The following SEC24D variants were observed in gnomAD, a reference collection of about 807,000 sequenced individuals.
SEC24D encodes the protein protein transport protein Sec24D.
SEC24D carries 69 observed loss-of-function variants against 116.9 expected under a neutral mutation model. That is an observed-to-expected ratio of 0.59 (90% CI 0.49 to 0.72). SEC24D has a LOEUF of 0.72. Ranked by LOEUF, SEC24D falls within the 30% of genes least tolerant of loss-of-function variation. The pLI is 0.00. For missense variants in SEC24D, 1,131 were observed against 1,264.1 expected, an observed-to-expected ratio of 0.89 and a Z score of 1.60; for synonymous variants, 405 against 442.8, an observed-to-expected ratio of 0.91 and a Z score of 1.07.
chr4:118,726,105 A>G (rs1228585405), intron 22 of SEC24D, among the ~76,000 whole-genome samples: 1 of 152,196 alleles, frequency 6.6e-6, no homozygotes, highest in East Asian at 1.9e-4. Context: ...TCACCTTACC[A>G]GAGGTCTTAA....
intron 22 of SEC24D, among the ~76,000 whole-genome samples, chr4:118,727,238 T>G (rs1018876028): frequency 6.6e-6 from 1 of 152,210 alleles, no homozygotes; most frequent in Non-Finnish European, 1.5e-5. Context: ...ATGGATACAT[T>G]TGCAGATAGT....
At position 118,744,967 on chromosome 4, in the gene SEC24D, GT is replaced by G. The variant is rs776872291; in HGVS notation, c.1800del (p.Lys600AsnfsTer33). The G allele has an allele frequency of 1.2e-6, 2 of 1,606,764 alleles. No individual in the cohort carries two copies. Among genetic ancestry groups the G allele is most frequent in the Non-Finnish European group, 1.7e-6 (2 of 1,174,920 alleles). ...PGKLKNRDDK[K>X]LVNTDKEKIL... is the part of the protein sequence containing the mutation. ...ACCTTCTCTTTGTCTGTATTAACCA[GT>G]TTTTTGTCATCTCTGTTTTTGAGCT... is the stretch of plus-strand genomic sequence containing the variant. On this transcript the variant is annotated frameshift_variant, in exon 14 of 23. Coordinates refer to ENST00000280551, the MANE Select transcript of SEC24D (RefSeq NM_014822.4). LOFTEE classifies it high-confidence loss of function.
At position 118,806,186 on chromosome 4, in the gene SEC24D, A is replaced by G. The variant is rs6817440; in HGVS notation, c.802-232T>C. Among the ~76,000 whole-genome samples, 22,646 of 152,130 alleles carry G rather than the reference A, an allele frequency of 0.15. 1,780 individuals carry two copies. The highest frequency in any genetic ancestry group is 0.17 in the Non-Finnish European group (11,342 of 67,998). Reference sequence around the variant, plus strand: ...AAAAACCTACCATGTCTTCAGTTAAAATGGTTACAATTTTAGAATAGTAGT... The same window carrying G: ...AAAAACCTACCATGTCTTCAGTTAAGATGGTTACAATTTTAGAATAGTAGT... On this transcript the variant is annotated intron_variant, in intron 6 of 22. Transcript: ENST00000280551.
intron 8 of SEC24D, among the ~76,000 whole-genome samples, chr4:118,769,504 C>G (rs773997900): frequency 6.6e-6 from 1 of 151,960 alleles, no homozygotes; most frequent in Non-Finnish European, 1.5e-5. Flanking sequence ...TGCTTTTGAA[C>G]GGAGGCCTGA....
chr4:118,795,991 G>A (rs1729163753), intron 8 of SEC24D, among the ~76,000 whole-genome samples: 1 of 152,178 alleles, frequency 6.6e-6, no homozygotes, highest in Non-Finnish European at 1.5e-5. Context: ...GCATTCTGGA[G>A]TATTTAGTAT....
At chr4:118,752,966 G>T in intron 11 of SEC24D, 78 bp from the exon 12 acceptor site, 1 of 1,042,228 alleles carries the variant, frequency 9.6e-7, no homozygotes, top group Non-Finnish European at 1.4e-6. Context: ...AATTCAGTAA[G>T]TGTGTCTTCT....
At chr4:118,765,062 C>A (rs1246660062) in intron 9 of SEC24D, 145 bp from the exon 10 acceptor site, 3 of 558,316 alleles carry the variant, frequency 5.4e-6, no homozygotes, top group Non-Finnish European at 9.5e-6. Flanking sequence ...ACCGTAAATA[C>A]CTACTATTTT....
intron 6 of SEC24D, among the ~76,000 whole-genome samples, chr4:118,809,868 G>T (rs1261918887): frequency 6.6e-6 from 1 of 152,202 alleles, no homozygotes; most frequent in East Asian, 1.9e-4. Flanking sequence ...GGGGTGCCAG[G>T]GAGACTGAGG....
At chr4:118,738,406 AT>A in intron 18 of SEC24D, 27 bp from the exon 19 acceptor site, 3 of 1,483,380 alleles carry the variant, frequency 2.0e-6, no homozygotes, top group Non-Finnish European at 2.8e-6. Flanking sequence ...TGAAAAGGAC[AT>A]GAGTTTTAGC....
intron 2 of SEC24D, among the ~76,000 whole-genome samples, chr4:118,831,765 G>A (rs13139244): frequency 0.35 from 53,799 of 151,882 alleles, 10,591 homozygotes; most frequent in East Asian, 0.55. Flanking sequence ...AAATAGATCT[G>A]AGAGACAAGC....
intron 20 of SEC24D, among the ~76,000 whole-genome samples, chr4:118,732,042 AG>A (rs1725714231): frequency 1.4e-5 from 1 of 72,486 alleles, no homozygotes; most frequent in Non-Finnish European, 2.6e-5. Flanking sequence ...TCTAGAAGGG[AG>A]GGGAGGGCGG....
chr4:118,777,890 T>C (rs1277645821), intron 8 of SEC24D, among the ~76,000 whole-genome samples: 1 of 152,398 alleles, frequency 6.6e-6, no homozygotes, highest in Non-Finnish European at 1.5e-5. Flanking sequence ...CATGTGTCTG[T>C]TGGCTCCATA....
chr4:118,777,437 A>G (rs1171718365), intron 8 of SEC24D, among the ~76,000 whole-genome samples: 1 of 152,332 alleles, frequency 6.6e-6, no homozygotes, highest in East Asian at 1.9e-4. Context: ...CCTAAAAAGG[A>G]CATAAACTCA....
chr4:118,732,285 T>C (rs1725732469), intron 20 of SEC24D, among the ~76,000 whole-genome samples: 1 of 151,926 alleles, frequency 6.6e-6, no homozygotes, highest in South Asian at 2.1e-4. Flanking sequence ...TACAGGCACA[T>C]ACCACCACGC....
chr4:118,723,496 A>C lies in SEC24D; in HGVS notation c.*19T>G, dbSNP rs1407857251. On this transcript the variant is annotated 3_prime_UTR_variant, in exon 23 of 23. Transcript: ENST00000280551. Reference sequence around the variant, plus strand: ...ATTATCTCCTTGGAAATGCAACATCAATGACAGAGAAGTTTCAATTAATTA... The same window carrying C: ...ATTATCTCCTTGGAAATGCAACATCCATGACAGAGAAGTTTCAATTAATTA... The C allele has an allele frequency of 1.2e-6, 2 of 1,603,740 alleles. No individual in the cohort carries two copies. Among genetic ancestry groups the C allele is most frequent in the South Asian group, 1.1e-5 (1 of 87,954 alleles).
chr4:118,730,867 C>T, intron 21 of SEC24D: 1 of 163,978 alleles, frequency 6.1e-6, no homozygotes, highest in Non-Finnish European at 1.3e-5. Flanking sequence ...TCTGAGTATG[C>T]AGTTCAGCAC....
intron 5 of SEC24D, 73 bp from the exon 6 acceptor site, chr4:118,815,228 T>G (rs975892291): frequency 6.4e-7 from 1 of 1,551,508 alleles, no homozygotes; most frequent in African/African-American, 1.4e-5. Context: ...GACGATATTA[T>G]GCTGTTCAGT....
At chr4:118,828,713 T>C (rs906076962) in intron 2 of SEC24D, among the ~76,000 whole-genome samples, 4 of 152,232 alleles carry the variant, frequency 2.6e-5, no homozygotes, top group Non-Finnish European at 4.4e-5. Context: ...CTGTAATTCC[T>C]TCTCCACACT....
At chr4:118,734,213 TTTTTTA>T (rs1158716431) in intron 19 of SEC24D, among the ~76,000 whole-genome samples, 3 of 151,104 alleles carry the variant, frequency 2.0e-5, no homozygotes, top group African/African-American at 4.9e-5. Flanking sequence ...GCTTTCTCTC[TTTTTTA>T]TTTTTATTTT....
Sources: allele counts gnomAD v4.1 joint callset (sites outside exome capture counted in the v4.1 genomes callset), GRCh38; gene constraint gnomAD v4.1.1; transcripts MANE v1.5; gene names NCBI Gene and HGNC (gene_info 2026-07-23, HGNC 2026-07-21).